The following PRKG1 variants were observed in gnomAD, a reference collection of about 807,000 sequenced individuals.
PRKG1 encodes cGMP-dependent protein kinase 1.
A neutral mutation model predicts 88.1 loss-of-function variants in PRKG1; 35 were observed. That is an observed-to-expected ratio of 0.40 (90% CI 0.30 to 0.53). PRKG1 has a LOEUF of 0.53. Among genes scored for constraint, PRKG1 ranks in the 20% least tolerant of loss-of-function variants. The pLI is 0.59. For missense variants in PRKG1, 540 were observed against 839.8 expected (o/e 0.64, Z 4.41); for synonymous variants, 303 against 292.5 (o/e 1.04, Z -0.37).
intron 4 of PRKG1, among the ~76,000 whole-genome samples, chr10:51,892,664 G>T (rs1038894212): frequency 6.6e-6 from 1 of 152,216 alleles, no homozygotes; most frequent in African/African-American, 2.4e-5. Flanking sequence ...AAGGGCGTTT[G>T]CTTGTCACAA....
chr10:51,557,848 A>C (rs1438423756), intron 3 of PRKG1, among the ~76,000 whole-genome samples: 1 of 152,046 alleles, frequency 6.6e-6, no homozygotes, highest in East Asian at 1.9e-4. Context: ...ATGGATTTAC[A>C]TGAGGATCCT....
intron 3 of PRKG1, among the ~76,000 whole-genome samples, chr10:51,657,609 A>T (rs1015783732): frequency 5.3e-5 from 8 of 152,186 alleles, no homozygotes; most frequent in Non-Finnish European, 1.5e-5. Flanking sequence ...GGTCAAAGAG[A>T]CATTTAAATA....
chr10:51,166,186 G>A (rs1371362888), intron 2 of PRKG1, among the ~76,000 whole-genome samples: 2 of 150,556 alleles, frequency 1.3e-5, no homozygotes, highest in Admixed American at 1.3e-4. Context: ...ACTCAATGAC[G>A]GTACATGCCC....
At chr10:51,279,784 G>A (rs576869738) in intron 2 of PRKG1, among the ~76,000 whole-genome samples, 35 of 152,204 alleles carry the variant, frequency 2.3e-4, no homozygotes, top group South Asian at 6.2e-4. Flanking sequence ...TTTGAGATGC[G>A]TCTCCTGAAT....
At position 51,313,070 on chromosome 10, in the gene PRKG1, A is replaced by AGTGTGTGT. The variant is rs34130710; in HGVS notation, c.479-154636_479-154629dup. ...ACAAACACAATTCCCATTAAGTTGCAGTGTGTGTGTGTGTGTGTGTGTGTA... is the reference window on the plus strand; with the variant it reads ...ACAAACACAATTCCCATTAAGTTGCAGTGTGTGTGTGTGTGTGTGTGTGTGTGTGTGTA... On this transcript the variant is annotated intron_variant, in intron 2 of 17. Transcript: ENST00000373980. 3.7e-3 allele frequency among the ~76,000 whole-genome samples: 539 copies of AGTGTGTGT among 145,910 alleles called. 2 individuals carry two copies. The highest frequency in any genetic ancestry group is 0.012 in the African/African-American group (490 of 39,750).
intron 2 of PRKG1, among the ~76,000 whole-genome samples, chr10:51,173,366 C>T (rs956524104): frequency 2.0e-4 from 30 of 151,712 alleles, no homozygotes; most frequent in African/African-American, 7.0e-4. Context: ...AACATAATAT[C>T]ACTTGGACCA....
chr10:52,239,565 G>A (rs1230763211), intron 9 of PRKG1, among the ~76,000 whole-genome samples: 2 of 134,332 alleles, frequency 1.5e-5, no homozygotes, highest in Non-Finnish European at 3.1e-5. Flanking sequence ...TAATAGGCCT[G>A]AATGCCCCCT....
chr10:51,453,643 C>A (rs753011868), intron 2 of PRKG1, among the ~76,000 whole-genome samples: 3 of 151,738 alleles, frequency 2.0e-5, no homozygotes, highest in Non-Finnish European at 4.4e-5. Context: ...AGTTAATTTC[C>A]AGTTTTATTC....
chr10:51,144,636 T>G (rs1845898334), intron 1 of PRKG1, among the ~76,000 whole-genome samples: 1 of 152,178 alleles, frequency 6.6e-6, no homozygotes, highest in Non-Finnish European at 1.5e-5. Context: ...TTGTTTGTTT[T>G]AAACTTTTAG....
chr10:51,869,895 G>A (rs1841112756), intron 4 of PRKG1, among the ~76,000 whole-genome samples: 1 of 152,096 alleles, frequency 6.6e-6, no homozygotes, highest in African/African-American at 2.4e-5. Flanking sequence ...ACTCTGGAAA[G>A]CAACCTAGAT....
chr10:52,201,535 CT>C (rs1275771395), intron 9 of PRKG1, among the ~76,000 whole-genome samples: 1 of 151,782 alleles, frequency 6.6e-6, no homozygotes, highest in Non-Finnish European at 1.5e-5. Context: ...AGCTACTGGG[CT>C]TTTTTTGGCT....
At chr10:51,904,096 A>G (rs1422778124) in intron 4 of PRKG1, among the ~76,000 whole-genome samples, 3 of 152,194 alleles carry the variant, frequency 2.0e-5, no homozygotes, top group Non-Finnish European at 4.4e-5. Context: ...AGCACTGCAC[A>G]TTAGATCATC....
chr10:51,869,261 C>T (rs746819623), intron 4 of PRKG1, among the ~76,000 whole-genome samples: 38 of 152,200 alleles, frequency 2.5e-4, no homozygotes, highest in Non-Finnish European at 4.9e-4. Context: ...CCCATCATTG[C>T]CTTAAATGCA....
rs149824576 is a variant in PRKG1, at chr10:51,017,006, A to G, written c.266+25362A>G. ...TTAAGACCAAAAAAACTGAGGCTCA[A>G]ATTAATCCAGTGACTTGCTCAAGGT... On this transcript the variant is annotated intron_variant, in intron 1 of 17. Coordinates refer to the PRKG1 transcript ENST00000401604. Among the ~76,000 whole-genome samples the G allele has an allele frequency of 3.3e-3, 506 of 151,756 alleles. 1 individual carries two copies. Among genetic ancestry groups the G allele is most frequent in the African/African-American group, 0.012 (490 of 41,344 alleles).
intron 6 of PRKG1, among the ~76,000 whole-genome samples, chr10:52,056,704 A>G (rs1454519726): frequency 1.3e-5 from 2 of 152,248 alleles, no homozygotes; most frequent in Middle Eastern, 3.4e-3. Context: ...TTTAGGTCAC[A>G]CAAGTTAGCT....
At chr10:52,069,658 A>G (rs1435674253) in intron 7 of PRKG1, among the ~76,000 whole-genome samples, 1 of 152,176 alleles carries the variant, frequency 6.6e-6, no homozygotes, top group Non-Finnish European at 1.5e-5. Flanking sequence ...AATGTTATGA[A>G]AACTATTCAA....
At chr10:51,711,326 G>A (rs1841744801) in intron 3 of PRKG1, among the ~76,000 whole-genome samples, 1 of 151,368 alleles carries the variant, frequency 6.6e-6, no homozygotes, top group Non-Finnish European at 1.5e-5. Context: ...GGATGGTCTC[G>A]ATCTCATGAC....
chr10:51,471,786 C>T (rs964875532), intron 3 of PRKG1, among the ~76,000 whole-genome samples: 1 of 151,858 alleles, frequency 6.6e-6, no homozygotes, highest in Non-Finnish European at 1.5e-5. Flanking sequence ...CAAATGGTCT[C>T]ATTCAACTAA....
At chr10:52,252,403 G>A (rs185046791) in intron 10 of PRKG1, 1 of 152,058 alleles carries the variant, frequency 6.6e-6, no homozygotes, top group Non-Finnish European at 1.5e-5. Context: ...GTACTCTTAT[G>A]ACTAACTGCA....
Sources: gnomAD v4.1 joint callset for allele counts (sites outside exome capture counted in the v4.1 genomes callset) on GRCh38, gnomAD v4.1.1 for gene constraint, MANE v1.5 for transcripts, NCBI Gene and HGNC (gene_info 2026-07-23, HGNC 2026-07-21) for gene names.